Variants in SCYL2 observed in about 807,000 individuals in gnomAD.
The protein encoded by SCYL2 is SCY1-like protein 2.
SCYL2 carries 36 observed loss-of-function variants against 100.4 expected under a neutral mutation model. That is an observed-to-expected ratio of 0.36 (90% CI 0.27 to 0.47). The LOEUF is 0.47. SCYL2 is among the 20% of genes least tolerant of loss of function. The pLI is 1.00. For synonymous variants in SCYL2, 330 were observed against 359.2 expected (o/e 0.92, Z 0.92); for missense variants, 902 against 1,083.9 (o/e 0.83, Z 2.36).
intron 2 of SCYL2, among the ~76,000 whole-genome samples, chr12:100,290,001 G>A (rs1455147938): frequency 6.6e-6 from 1 of 152,174 alleles, no homozygotes; most frequent in Non-Finnish European, 1.5e-5. Context: ...AAACTCATCA[G>A]TAATAGAAAA....
intron 10 of SCYL2, among the ~76,000 whole-genome samples, chr12:100,323,173 T>G (rs543067593): frequency 7.9e-5 from 12 of 152,108 alleles, no homozygotes; most frequent in Admixed American, 7.2e-4. Flanking sequence ...TGATTTTCCC[T>G]TCTTCTGAGA....
At chr12:100,293,415 C>G (rs553705619) in intron 3 of SCYL2, among the ~76,000 whole-genome samples, 1 of 152,188 alleles carries the variant, frequency 6.6e-6, no homozygotes, top group Non-Finnish European at 1.5e-5. Flanking sequence ...TTTCCTGACT[C>G]TGTATTTGTT....
At chr12:100,320,392 C>T (rs1013891149) in intron 10 of SCYL2, among the ~76,000 whole-genome samples, 1 of 151,636 alleles carries the variant, frequency 6.6e-6, no homozygotes, top group East Asian at 1.9e-4. Context: ...TAAAAAAATA[C>T]AAAAATTAGC....
chr12:100,331,577 C>T (rs766489882), intron 13 of SCYL2, among the ~76,000 whole-genome samples: 1 of 152,134 alleles, frequency 6.6e-6, no homozygotes, highest in Non-Finnish European at 1.5e-5. Flanking sequence ...CACTGCACTC[C>T]AGCCTGGATG....
intron 13 of SCYL2, among the ~76,000 whole-genome samples, chr12:100,329,734 G>A (rs571701757): frequency 6.6e-6 from 1 of 152,280 alleles, no homozygotes; most frequent in Admixed American, 6.5e-5. Flanking sequence ...TGGATTCCCT[G>A]CTCAGGGTTT....
In SCYL2 at chr12:100,334,314, A is replaced by T. The variant is rs572967416; in HGVS notation, c.1862+48A>T. 13 of 1,050,142 alleles carry T rather than the reference A, an allele frequency of 1.2e-5. No homozygotes were observed. In the Admixed American group the frequency reaches 2.4e-4, roughly 19 times the overall value. 65.1% of individuals were successfully genotyped at this position (1,050,142 alleles called of 1,614,324 possible). The stretch of plus-strand genomic sequence containing the variant: ...ATATGTGGTCCGGGAGTGAAATTAT[A>T]GTTGTCTTATGATTGATTTTCTGGA... On this transcript the variant is annotated intron_variant, in intron 14 of 17. Transcript: ENST00000360820.
chr12:100,278,077 A>T (rs997478614), intron 1 of SCYL2, among the ~76,000 whole-genome samples: 15 of 152,148 alleles, frequency 9.9e-5, no homozygotes, highest in African/African-American at 3.4e-4. Context: ...ATACATTTTT[A>T]TTATTTTTGC....
Position 100,267,203 on chromosome 12 carries a change from C to T in SCYL2, c.-618C>T, listed in dbSNP as rs770015818. The T allele has an allele frequency of 5.9e-6, 6 of 1,014,476 alleles. No individual in the cohort carries two copies. The highest frequency in any genetic ancestry group is 2.6e-5 in the East Asian group (1 of 38,826). 62.8% of individuals were successfully genotyped at this position (1,014,476 alleles called of 1,614,324 possible). A position where few individuals can be genotyped will look rare whatever the true frequency, so the allele number is the denominator to read the frequency against. On this transcript the variant is annotated 5_prime_UTR_variant, in exon 1 of 18. Transcript: ENST00000360820. ...GTCTTTTTCCCCCTCCCTTACTCTT[C>T]GTCCCCGGTCCCTCCCCTCCCCACC...
At chr12:100,268,804 A>G (rs1363124718) in intron 1 of SCYL2, among the ~76,000 whole-genome samples, 2 of 152,124 alleles carry the variant, frequency 1.3e-5, no homozygotes, top group African/African-American at 4.8e-5. Flanking sequence ...TACTGTGTTT[A>G]ACTCCGTGGG....
In SCYL2 at chr12:100,338,892, T is replaced by C. The variant is rs754597075; in HGVS notation, c.2510T>C (p.Met837Thr). 1.7e-5 allele frequency: 27 copies of C among 1,614,182 alleles called. No individual in the cohort carries two copies. The East Asian group carries it at 5.3e-4, about 32-fold the overall frequency. ...CAGACCCAACAAAGACCCACAGATATGTCTGCCCTTAATAATCTCTTTGGC... is the reference window on the plus strand; with the variant it reads ...CAGACCCAACAAAGACCCACAGATACGTCTGCCCTTAATAATCTCTTTGGC... ...AKQTQQRPTD[M>T]SALNNLFGPQ... is the part of the protein sequence containing the mutation. The change falls in exon 18 of 18, where the codon ATG (methionine) becomes ACG (threonine). Residue 837 changes from methionine (M) to threonine (T), a missense_variant. Coordinates refer to ENST00000360820, the MANE Select transcript of SCYL2 (RefSeq NM_017988.6).
At chr12:100,315,794 GA>G in intron 9 of SCYL2, 60 bp downstream of exon 9, 1 of 1,348,410 alleles carries the variant, frequency 7.4e-7, no homozygotes, top group Non-Finnish European at 9.9e-7. Flanking sequence ...GACTATCACT[GA>G]AAACAAAAGG....
At chr12:100,313,798 T>G (rs918556723) in intron 7 of SCYL2, among the ~76,000 whole-genome samples, 3 of 151,960 alleles carry the variant, frequency 2.0e-5, no homozygotes, top group African/African-American at 7.3e-5. Flanking sequence ...ATAAGCAGAG[T>G]GCTAACAGTC....
chr12:100,315,255 C>T (rs1159909914), intron 8 of SCYL2, among the ~76,000 whole-genome samples: 1 of 152,080 alleles, frequency 6.6e-6, no homozygotes, highest in Non-Finnish European at 1.5e-5. Flanking sequence ...TGGTATGAAT[C>T]GTAAGTAATG....
At chr12:100,281,582 C>T (rs1364257169) in intron 1 of SCYL2, among the ~76,000 whole-genome samples, 1 of 151,914 alleles carries the variant, frequency 6.6e-6, no homozygotes, top group African/African-American at 2.4e-5. Flanking sequence ...GCCTGTAATC[C>T]CAGCACTTTG....
chr12:100,318,564 T>G (rs139497009), intron 10 of SCYL2, among the ~76,000 whole-genome samples: 2,126 of 152,294 alleles, frequency 0.014, 32 homozygotes, highest in Middle Eastern at 0.051. Flanking sequence ...ACTCCTGACC[T>G]CAGGTGGTCC....
chr12:100,287,551 C>T (rs1037058042), intron 2 of SCYL2, among the ~76,000 whole-genome samples: 7 of 152,086 alleles, frequency 4.6e-5, no homozygotes, highest in African/African-American at 7.2e-5. Flanking sequence ...AGAATACTTC[C>T]GTAGCCTTTT....
At chr12:100,275,544 G>A (rs897513118) in intron 1 of SCYL2, among the ~76,000 whole-genome samples, 3 of 152,116 alleles carry the variant, frequency 2.0e-5, no homozygotes, top group Non-Finnish European at 4.4e-5. Flanking sequence ...CTACTATATT[G>A]CCAAACTCAT....
At chr12:100,281,236 C>T (rs192238658) in intron 1 of SCYL2, among the ~76,000 whole-genome samples, 13 of 151,920 alleles carry the variant, frequency 8.6e-5, no homozygotes, top group African/African-American at 2.7e-4. Flanking sequence ...TCCATGTTTC[C>T]CAGGCTGGTC....
intron 1 of SCYL2, among the ~76,000 whole-genome samples, chr12:100,276,216 A>AT (rs1210824327): frequency 2.0e-5 from 3 of 151,910 alleles, no homozygotes; most frequent in South Asian, 2.1e-4. Context: ...ACTTGGTATG[A>AT]TTTTTTTCCT....
Sources: allele counts gnomAD v4.1 joint callset (sites outside exome capture counted in the v4.1 genomes callset), GRCh38; gene constraint gnomAD v4.1.1; transcripts MANE v1.5; gene names NCBI Gene and HGNC (gene_info 2026-07-23, HGNC 2026-07-21).